XPO6: variants seen among roughly 807,000 people sequenced by gnomAD.
The protein encoded by XPO6 is exportin 6.
A neutral mutation model predicts 130.0 loss-of-function variants in XPO6; 3 were observed. The observed-to-expected ratio is 0.02, with a 90% CI of 0.01 to 0.06. XPO6 has a LOEUF of 0.06. Ranked by LOEUF, XPO6 falls within the 10% of genes least tolerant of loss-of-function variation. The probability of loss-of-function intolerance (pLI) is 1.00; values close to 1 mark genes in which losing one functional copy is unlikely to be tolerated. For missense variants in XPO6, 970 were observed against 1,393.0 expected (o/e 0.70, Z 4.83); for synonymous variants, 524 against 548.9 (o/e 0.95, Z 0.63).
rs2042690375 is a variant in XPO6 at position 28,132,474 on chromosome 16, T to G, written c.1537-71A>C. 6 of 1,020,188 alleles carry G rather than the reference T, an allele frequency of 5.9e-6. No individual in the cohort carries two copies. In the South Asian group the frequency reaches 8.6e-5, roughly 15 times the overall value. The allele number at this position is 1,020,188 out of a possible 1,614,324, so 63.2% of individuals were successfully genotyped here. On this transcript the variant is annotated intron_variant, in intron 11 of 23. Transcript: ENST00000304658. This position sits in a 1 kb window ranked among gnomAD's most constrained non-coding sequence, Gnocchi z 4.0. ...GCAAGTTTTAATAGCATTTTAACAT[T>G]ACAACATTAACACGTAACTATGGTG...
At chr16:28,156,840 A>AAG (rs1716707215) in intron 6 of XPO6, among the ~76,000 whole-genome samples, 1 of 152,190 alleles carries the variant, frequency 6.6e-6, no homozygotes, top group Non-Finnish European at 1.5e-5. Context: ...GACATAAGTG[A>AAG]AGAGAAGATG....
At chr16:28,167,068 T>C in intron 5 of XPO6, 1 of 911,286 alleles carries the variant, frequency 1.1e-6, no homozygotes, top group Non-Finnish European at 1.3e-6. Context: ...GACCTGCTTC[T>C]CCTCTCATTT....
intron 1 of XPO6, among the ~76,000 whole-genome samples, chr16:28,195,293 G>A (rs989330132): frequency 6.6e-6 from 1 of 152,090 alleles, no homozygotes; most frequent in Non-Finnish European, 1.5e-5. Context: ...ACAAAAGAAT[G>A]GGGACAACTT....
At chr16:28,160,077 C>T (rs1442791706) in intron 6 of XPO6, among the ~76,000 whole-genome samples, 1 of 149,342 alleles carries the variant, frequency 6.7e-6, no homozygotes, top group South Asian at 2.1e-4. Flanking sequence ...CCCAGCTACT[C>T]GGGAGGCTGG....
In XPO6 at chr16:28,132,500, T is replaced by G; in HGVS notation, c.1537-97A>C. 4.9e-6 allele frequency: 4 copies of G among 818,374 alleles called. No individual in the cohort carries two copies. The highest frequency in any genetic ancestry group is 7.7e-6 in the Non-Finnish European group (4 of 517,776). The allele number at this position is 818,374 out of a possible 1,614,324, so 50.7% of individuals were successfully genotyped here. A position where few individuals can be genotyped will look rare whatever the true frequency, so the allele number is the denominator to read the frequency against. Reference sequence around the variant, plus strand: ...ACAACATTAACACGTAACTATGGTGTGAGGAACAGGATCAAAACCTTTTCT... The same window carrying G: ...ACAACATTAACACGTAACTATGGTGGGAGGAACAGGATCAAAACCTTTTCT... On this transcript the variant is annotated intron_variant, in intron 11 of 23. Transcript: ENST00000304658. The surrounding 1 kb of genome is among the most constrained non-coding windows in gnomAD (Gnocchi z 4.0).
intron 20 of XPO6, chr16:28,105,842 C>G: frequency 1.3e-6 from 1 of 761,796 alleles, no homozygotes; most frequent in Middle Eastern, 3.9e-4. Flanking sequence ...CATGCTTACA[C>G]TAGACTAGCT....
At chr16:28,194,451 C>CT (rs1032518666) in intron 1 of XPO6, among the ~76,000 whole-genome samples, 1 of 152,080 alleles carries the variant, frequency 6.6e-6, no homozygotes, top group East Asian at 1.9e-4. Flanking sequence ...GCAGCAAACA[C>CT]TTTTTTTCTT....
chr16:28,127,632 C>T (rs997320478), intron 12 of XPO6, among the ~76,000 whole-genome samples: 1 of 152,158 alleles, frequency 6.6e-6, no homozygotes, highest in Non-Finnish European at 1.5e-5. Flanking sequence ...AGGGTGGACA[C>T]CTACAAAGCA....
At chr16:28,199,824 A>G (rs935614241) in intron 1 of XPO6, among the ~76,000 whole-genome samples, 47 of 150,698 alleles carry the variant, frequency 3.1e-4, no homozygotes, top group Middle Eastern at 3.2e-3. Context: ...GATTACAGGC[A>G]TGAGCCACTG....
chr16:28,157,897 T>A (rs1726053236), intron 6 of XPO6, among the ~76,000 whole-genome samples: 1 of 152,144 alleles, frequency 6.6e-6, no homozygotes, highest in East Asian at 1.9e-4. Flanking sequence ...ACCATTCTCC[T>A]GGTATGCTCC....
chr16:28,157,806 G>C (rs1488264527), intron 6 of XPO6, among the ~76,000 whole-genome samples: 1 of 152,206 alleles, frequency 6.6e-6, no homozygotes, highest in East Asian at 1.9e-4. Context: ...ACCTTCACAA[G>C]GCGGTGCAGG....
At chr16:28,153,458 G>A in intron 7 of XPO6, 1 of 984,962 alleles carries the variant, frequency 1.0e-6, no homozygotes, top group Non-Finnish European at 1.2e-6. Context: ...CCAACTCATG[G>A]CAGAACAGGA....
At chr16:28,102,436 G>C (rs1221216346) in intron 21 of XPO6, among the ~76,000 whole-genome samples, 1 of 152,186 alleles carries the variant, frequency 6.6e-6, no homozygotes, top group Non-Finnish European at 1.5e-5. Flanking sequence ...GAATTCCTGG[G>C]TGTAAAAGTT....
chr16:28,098,679 G>C (rs1310588342), intron 23 of XPO6, 40 bp from the exon 24 acceptor site: 1 of 1,504,390 alleles, frequency 6.6e-7, no homozygotes, highest in South Asian at 1.2e-5. Flanking sequence ...CAACACACCA[G>C]GTCACCCACC....
At chr16:28,112,278 G>A (rs2086943880) in intron 16 of XPO6, among the ~76,000 whole-genome samples, 1 of 152,186 alleles carries the variant, frequency 6.6e-6, no homozygotes, top group African/African-American at 2.4e-5. Flanking sequence ...ATTAGAGAGG[G>A]AAAAATCACA....
intron 5 of XPO6, 107 bp downstream of exon 5, chr16:28,169,643 A>G: frequency 2.1e-6 from 3 of 1,418,814 alleles, no homozygotes; most frequent in East Asian, 2.3e-5. Context: ...TTTTCATGCT[A>G]TCTCAGAAAC....
Position 28,135,224 on chromosome 16 carries a change from C to G in XPO6, c.1435G>C (p.Asp479His). 1 of 1,613,610 alleles carries G rather than the reference C, an allele frequency of 6.2e-7. No individual in the cohort carries two copies. ...QLEELDDETL[D>H]DDQQTEWQRY... ...CAGGGCATGCCGCTTACATCGTCAT[C>G]CAGAGTCTCATCATCCAACTCCTCC... Residue 479 changes from aspartate (D) to histidine (H), a missense_variant, in exon 10 of 24, where the codon GAT (aspartate) becomes CAT (histidine). Physicochemically the swap from Asp to His is moderately conservative, Grantham distance 81. Transcript: ENST00000304658.
At chr16:28,171,452 C>T (rs1421537335) in intron 4 of XPO6, among the ~76,000 whole-genome samples, 1 of 99,092 alleles carries the variant, frequency 1.0e-5, no homozygotes, top group African/African-American at 4.1e-5. Context: ...GACTCTGTCT[C>T]AAAAAAAAAA....
chr16:28,196,799 T>C (rs1261474417), intron 1 of XPO6, among the ~76,000 whole-genome samples: 1 of 152,188 alleles, frequency 6.6e-6, no homozygotes, highest in African/African-American at 2.4e-5. Flanking sequence ...CCTCTCACTC[T>C]CATCCTTCCT....
Sources: gnomAD v4.1 joint callset for allele counts (sites outside exome capture counted in the v4.1 genomes callset) on GRCh38, gnomAD v4.1.1 for gene constraint, Gnocchi (gnomAD v3.1) non-coding constraint, MANE v1.5 for transcripts, NCBI Gene and HGNC (gene_info 2026-07-23, HGNC 2026-07-21) for gene names.